The following PCDHA7 variants were observed in gnomAD, a reference collection of about 807,000 sequenced individuals.
The protein encoded by PCDHA7 is protocadherin alpha 7.
A neutral mutation model predicts 57.2 loss-of-function variants in PCDHA7; 37 were observed. The ratio of observed to expected loss-of-function variants is 0.65; its 90% CI spans 0.50 to 0.85. PCDHA7 has a LOEUF of 0.85. PCDHA7 is among the 40% of genes least tolerant of loss of function. The pLI is 0.00. For synonymous variants in PCDHA7, 553 were observed against 558.8 expected, an observed-to-expected ratio of 0.99 and a Z score of 0.15; for missense variants, 1,188 against 1,241.8, an observed-to-expected ratio of 0.96 and a Z score of 0.65.
chr5:140,877,811 G>T (rs1256619106), intron 1 of PCDHA7: 1 of 1,610,242 alleles, frequency 6.2e-7, no homozygotes, highest in Non-Finnish European at 8.5e-7. Flanking sequence ...CAGCTGTCTC[G>T]AGAAGATTGT....
chr5:140,843,630 T>C (rs1554140293), intron 1 of PCDHA7: 3 of 1,595,936 alleles, frequency 1.9e-6, no homozygotes, highest in Non-Finnish European at 2.6e-6. Flanking sequence ...ACGGACCTCA[T>C]GGCCTTCAGC....
intron 3 of PCDHA7, among the ~76,000 whole-genome samples, chr5:140,992,981 A>T (rs532135754): frequency 5.3e-5 from 8 of 152,232 alleles, no homozygotes; most frequent in Admixed American, 1.3e-4. Flanking sequence ...TGATTAGGCC[A>T]TGGGACCCAT....
At chr5:140,965,103 A>G (rs1453303865) in intron 1 of PCDHA7, among the ~76,000 whole-genome samples, 1 of 152,234 alleles carries the variant, frequency 6.6e-6, no homozygotes, top group Non-Finnish European at 1.5e-5. Context: ...TAGCTAGAAA[A>G]TGACCCATAG....
chr5:140,927,150 G>GT, intron 1 of PCDHA7: 1 of 1,614,134 alleles, frequency 6.2e-7, no homozygotes, highest in Non-Finnish European at 8.5e-7. Context: ...GCGAACAGCT[G>GT]TGCAGGGCCA....
rs1334280981 is a variant in PCDHA7, at chr5:140,848,756, T to C, written c.2355+12018T>C. On this transcript the variant is annotated intron_variant, in intron 1 of 3. Coordinates refer to ENST00000525929, the MANE Select transcript of PCDHA7 (RefSeq NM_018910.3). ...TGCAGAATGGCATTTTGTTTGTGAATTCTCGGATCGACCGCGAGGAGCTGT... is the reference window on the plus strand; with the variant it reads ...TGCAGAATGGCATTTTGTTTGTGAACTCTCGGATCGACCGCGAGGAGCTGT... 2 of 1,593,258 alleles carry C rather than the reference T, an allele frequency of 1.3e-6. 1 individual carries two copies. Among genetic ancestry groups the C allele is most frequent in the Non-Finnish European group, 1.7e-6 (2 of 1,164,046 alleles).
intron 1 of PCDHA7, among the ~76,000 whole-genome samples, chr5:140,945,574 G>C (rs2153670366): frequency 6.6e-6 from 1 of 151,978 alleles, no homozygotes; most frequent in Middle Eastern, 3.4e-3. Context: ...ATACTACCTG[G>C]CTTCAAAATA....
intron 1 of PCDHA7, chr5:140,858,328 G>A (rs782462952): frequency 3.1e-6 from 5 of 1,596,534 alleles, no homozygotes; most frequent in East Asian, 2.2e-5. Context: ...GTTCTGGGGA[G>A]GGCCTGCCCA....
intron 1 of PCDHA7, chr5:140,859,810 TGC>T (rs2046025948): frequency 6.6e-6 from 1 of 152,488 alleles, no homozygotes. Context: ...GCTAAGTTAA[TGC>T]AGAGTTTAGA....
chr5:140,853,667 G>A lies in PCDHA7; in HGVS notation c.2355+16929G>A, dbSNP rs965344983. 2.4e-5 allele frequency: 24 copies of A among 988,242 alleles called. 2 individuals carry two copies. The highest frequency in any genetic ancestry group is 7.1e-5 in the African/African-American group (4 of 56,544). 61.2% of individuals were successfully genotyped at this position (988,242 alleles called of 1,614,324 possible). On this transcript the variant is annotated intron_variant, in intron 1 of 3. Transcript: ENST00000525929. ...TTGAGCCTGTTCCAGACAAATTGGG[G>A]CCTATGGTCAACCTATCCTTAGACC...
At chr5:140,843,202 C>A in intron 1 of PCDHA7, 1 of 1,596,044 alleles carries the variant, frequency 6.3e-7, no homozygotes, top group Non-Finnish European at 8.6e-7. Flanking sequence ...TGGGGCTGTA[C>A]ACGGGCGAGA....
chr5:140,837,661 T>C (rs1775184635), intron 1 of PCDHA7, among the ~76,000 whole-genome samples: 1 of 151,786 alleles, frequency 6.6e-6, no homozygotes, highest in East Asian at 1.9e-4. Flanking sequence ...TCCTTTTTCT[T>C]TCATTCTTTT....
chr5:140,926,825 G>T (rs937740656), intron 1 of PCDHA7: 2 of 1,499,696 alleles, frequency 1.3e-6, no homozygotes, highest in Admixed American at 4.7e-5. Flanking sequence ...CTCTCCAGGA[G>T]TCCGGAGCAT....
chr5:140,955,867 C>T (rs1208648426), intron 1 of PCDHA7, among the ~76,000 whole-genome samples: 1 of 152,136 alleles, frequency 6.6e-6, no homozygotes, highest in Non-Finnish European at 1.5e-5. Context: ...CTTCACTTCC[C>T]TTTTTAGCTG....
In PCDHA7 at chr5:140,857,691, T is replaced by A. The variant is rs189067845; in HGVS notation, c.2355+20953T>A. ...GGCGTGCCGCCTCTGGGCAGCAACTTGACGCTGCAGGTGTTCGTGCTGGAC... is the reference window on the plus strand; with the variant it reads ...GGCGTGCCGCCTCTGGGCAGCAACTAGACGCTGCAGGTGTTCGTGCTGGAC... On this transcript the variant is annotated intron_variant, in intron 1 of 3. Coordinates refer to ENST00000525929, the MANE Select transcript of PCDHA7 (RefSeq NM_018910.3). 1.9e-6 allele frequency: 3 copies of A among 1,597,120 alleles called. 1 individual carries two copies. The highest frequency in any genetic ancestry group is 2.6e-6 in the Non-Finnish European group (3 of 1,167,726).
chr5:140,873,098 T>C (rs1281569389), intron 1 of PCDHA7, among the ~76,000 whole-genome samples: 1 of 152,200 alleles, frequency 6.6e-6, no homozygotes, highest in Non-Finnish European at 1.5e-5. Flanking sequence ...TATAGAGGCA[T>C]AACATACCAT....
In PCDHA7 at chr5:140,855,887, C is replaced by T. The variant is rs2043661726; in HGVS notation, c.2355+19149C>T. 3.0e-6 allele frequency: 3 copies of T among 985,500 alleles called. No individual in the cohort carries two copies. The African/African-American group carries it at 4.9e-5, about 16-fold the overall frequency. The allele number at this position is 985,500 out of a possible 1,614,324, so 61.0% of individuals were successfully genotyped here. A position where few individuals can be genotyped will look rare whatever the true frequency, so the allele number is the denominator to read the frequency against. ...TCGTCCACAAAATAGCTTTTTAGAA[C>T]AAAGGCATCAGCCAGTTTCTCAAGG... On this transcript the variant is annotated intron_variant, in intron 1 of 3. Transcript: ENST00000525929.
In PCDHA7 at chr5:141,010,299, T is replaced by G; in HGVS notation, c.*362T>G. ...TCTTGATGACACTTGCAGGGCAGGCTGAAAAGTTTTGAGATTGAGCAGCTT... is the reference window on the plus strand; with the variant it reads ...TCTTGATGACACTTGCAGGGCAGGCGGAAAAGTTTTGAGATTGAGCAGCTT... On this transcript the variant is annotated 3_prime_UTR_variant, in exon 4 of 4. Transcript: ENST00000525929. 6.5e-7 allele frequency: 1 copy of G among 1,549,016 alleles called. No homozygotes were observed. The highest frequency in any genetic ancestry group is 2.4e-5 in the East Asian group (1 of 40,892).
rs374028253 is a variant in PCDHA7, at chr5:140,876,864, G to C, written c.2355+40126G>C. ...CGCAGCCCGAGTACACAGTGTTCGT[G>C]AAGGAGAACAACCCGCCGGGCTGCC... is the stretch of plus-strand genomic sequence containing the variant. On this transcript the variant is annotated intron_variant, in intron 1 of 3. Transcript: ENST00000525929. The C allele has an allele frequency of 5.1e-5, 82 of 1,614,026 alleles. No individual in the cohort carries two copies. The African/African-American group carries it at 1.0e-3, about 20-fold the overall frequency.
intron 1 of PCDHA7, among the ~76,000 whole-genome samples, chr5:140,911,493 A>G (rs1157677496): frequency 6.6e-6 from 1 of 152,168 alleles, no homozygotes; most frequent in African/African-American, 2.4e-5. Context: ...CAATCTTAGC[A>G]GGTTTGAGGT....
Sources: allele counts gnomAD v4.1 joint callset (sites outside exome capture counted in the v4.1 genomes callset), GRCh38; gene constraint gnomAD v4.1.1; transcripts MANE v1.5; gene names NCBI Gene and HGNC (gene_info 2026-07-23, HGNC 2026-07-21).